The following BBS7 variants were observed in gnomAD, a reference collection of about 807,000 sequenced individuals.
BBS7 encodes Bardet-Biedl syndrome 7.
In BBS7, 50 loss-of-function variants were observed where a neutral mutation model predicts 90.3. The ratio of observed to expected loss-of-function variants is 0.55; its 90% CI spans 0.44 to 0.70. The LOEUF (loss-of-function observed/expected upper bound fraction) is 0.70, where lower values mean the gene tolerates loss of function less well. Among genes scored for constraint, BBS7 ranks in the 30% least tolerant of loss-of-function variants. BBS7 has a pLI of 0.00. For missense variants in BBS7, 729 were observed against 838.9 expected, an observed-to-expected ratio of 0.87 and a Z score of 1.62; for synonymous variants, 235 against 287.4, an observed-to-expected ratio of 0.82 and a Z score of 1.85.
rs891481364 is a variant in BBS7 at position 121,844,096 on chromosome 4, T to C, written c.1231-95A>G. The stretch of plus-strand genomic sequence containing the variant: ...TCTAAGAGTTCTCCTTAGTTCTAGT[T>C]TATATTCATCTTTAAATTTGAGAGT... On this transcript the variant is annotated intron_variant, in intron 11 of 18. Transcript: ENST00000264499. 9 of 753,568 alleles carry C rather than the reference T, an allele frequency of 1.2e-5. No homozygotes were observed. In the African/African-American group the frequency reaches 1.6e-4, roughly 13 times the overall value. 46.7% of individuals were successfully genotyped at this position (753,568 alleles called of 1,614,324 possible).
intron 1 of BBS7, among the ~76,000 whole-genome samples, chr4:121,869,297 GTCTGAAAGAAAT>G (rs1390935707): frequency 6.6e-6 from 1 of 152,158 alleles, no homozygotes; most frequent in Non-Finnish European, 1.5e-5. Context: ...AGAATTTTAG[GTCTGAAAGAAAT>G]TCTGAAAGGC....
chr4:121,857,405 C>T (rs563177473), intron 5 of BBS7, among the ~76,000 whole-genome samples: 6 of 152,196 alleles, frequency 3.9e-5, no homozygotes, highest in Admixed American at 2.6e-4. Context: ...AGGCCTGAGC[C>T]GCTGTGCCCA....
At chr4:121,827,434 T>TA (rs1291868771) in intron 18 of BBS7, among the ~76,000 whole-genome samples, 1 of 152,200 alleles carries the variant, frequency 6.6e-6, no homozygotes, top group Non-Finnish European at 1.5e-5. Flanking sequence ...ACAAATTCCT[T>TA]AGACTCAGAT....
Position 121,854,805 on chromosome 4 carries a change from T to G in BBS7, c.617A>C (p.Asp206Ala), listed in dbSNP as rs769131424. The change falls in exon 7 of 19, where the codon GAC becomes GCC. Residue 206 changes from aspartate to alanine, a missense_variant. Asp to Ala is a moderately radical substitution (Grantham distance 126). Transcript: ENST00000264499. ...TCCGTCTGATGTCCCAAACAAAAGG[T>G]CTTCTCCAGAGTCACCTACTTATAA... ...HNGNGGDSGEDLLFGTSDGKL... is the reference protein window; with the variant it reads ...HNGNGGDSGEALLFGTSDGKL... 6.2e-7 allele frequency: 1 copy of G among 1,612,092 alleles called. No individual in the cohort carries two copies. Among genetic ancestry groups the G allele is most frequent in the South Asian group, 1.1e-5 (1 of 90,852 alleles).
At chr4:121,830,809 T>C (rs1560640480) in intron 15 of BBS7, among the ~76,000 whole-genome samples, 2 of 152,226 alleles carry the variant, frequency 1.3e-5, no homozygotes, top group Non-Finnish European at 2.9e-5. Context: ...GAGTACCTAT[T>C]ATGTGCAAAA....
intron 1 of BBS7, among the ~76,000 whole-genome samples, chr4:121,869,663 CGA>C (rs1727476392): frequency 1.3e-5 from 2 of 152,128 alleles, no homozygotes; most frequent in Non-Finnish European, 2.9e-5. Flanking sequence ...CTTAACCTCC[CGA>C]GTACCTGGGA....
intron 1 of BBS7, among the ~76,000 whole-genome samples, chr4:121,870,006 G>A (rs1727498412): frequency 6.6e-6 from 1 of 152,190 alleles, no homozygotes; most frequent in Non-Finnish European, 1.5e-5. Flanking sequence ...GGGGAATCCG[G>A]GATGAGACAG....
chr4:121,849,040 G>T, intron 8 of BBS7, 112 bp from the exon 9 acceptor site: 7 of 700,786 alleles, frequency 1.0e-5, no homozygotes, highest in Admixed American at 2.1e-5. Context: ...TATATTTACT[G>T]AATGTTTATG....
chr4:121,842,109 G>A (rs187171472), intron 12 of BBS7, among the ~76,000 whole-genome samples: 29 of 151,690 alleles, frequency 1.9e-4, no homozygotes, highest in South Asian at 1.9e-3. Context: ...AAAATTAGCC[G>A]GGTGTGGTGG....
chr4:121,838,364 G>GAAAAAAAAAAAAA (rs35961896), intron 13 of BBS7, among the ~76,000 whole-genome samples: 1 of 109,962 alleles, frequency 9.1e-6, no homozygotes, highest in African/African-American at 3.8e-5. Context: ...CATCTCTCTT[G>GAAAAAAAAAAAAA]AAAAAAAAAA....
intron 8 of BBS7, among the ~76,000 whole-genome samples, chr4:121,850,283 G>A (rs1726249652): frequency 1.3e-5 from 2 of 151,654 alleles, no homozygotes; most frequent in South Asian, 4.2e-4. Flanking sequence ...TCCCACCTTG[G>A]CCTTCCAAGT....
chr4:121,846,965 G>T (rs1726039820), intron 10 of BBS7, among the ~76,000 whole-genome samples: 1 of 152,158 alleles, frequency 6.6e-6, no homozygotes, highest in Admixed American at 6.5e-5. Flanking sequence ...GTGTCTAGGG[G>T]AGTCAAAATT....
chr4:121,832,191 AT>A (rs1047239539), intron 15 of BBS7, among the ~76,000 whole-genome samples: 1 of 152,044 alleles, frequency 6.6e-6, no homozygotes, highest in African/African-American at 2.4e-5. Context: ...AAATAAAAAA[AT>A]TAGCTGGGCA....
chr4:121,840,887 G>C (rs1387283916), intron 12 of BBS7, among the ~76,000 whole-genome samples: 5 of 149,502 alleles, frequency 3.3e-5, no homozygotes, highest in Non-Finnish European at 7.4e-5. Context: ...GCCCAGGCTA[G>C]AGTGCAGTGG....
At chr4:121,840,608 A>C (rs1302250726) in intron 12 of BBS7, among the ~76,000 whole-genome samples, 1 of 152,176 alleles carries the variant, frequency 6.6e-6, no homozygotes, top group Non-Finnish European at 1.5e-5. Flanking sequence ...CTTGAAATTG[A>C]ATATTAAACT....
intron 9 of BBS7, 129 bp from the exon 10 acceptor site, chr4:121,847,635 T>C (rs1297573036): frequency 4.5e-6 from 3 of 673,266 alleles, no homozygotes; most frequent in Non-Finnish European, 7.9e-6. Flanking sequence ...AACTTAACCC[T>C]AGGACTTCAT....
intron 15 of BBS7, among the ~76,000 whole-genome samples, chr4:121,832,111 C>T (rs1270335077): frequency 6.6e-6 from 1 of 151,454 alleles, no homozygotes; most frequent in African/African-American, 2.4e-5. Context: ...AGGAGGCCAA[C>T]GCAGGAGGAT....
Position 121,848,892 on chromosome 4 carries a change from A to T in BBS7, c.886T>A (p.Cys296Ser). The T allele has an allele frequency of 6.2e-7, 1 of 1,613,988 alleles. No homozygotes were observed. Among genetic ancestry groups the T allele is most frequent in the African/African-American group, 1.3e-5 (1 of 75,040 alleles). The part of the protein sequence containing the change: ...SESVTSIQGG[C>S]VGKDSYDEIV... ...TCATCATAGCTGTCTTTTCCTACAC[A>T]ACCACCCTGGATAGATGTGACGCTT... The change falls in exon 9 of 19, where the codon TGT becomes AGT. Residue 296 changes from cysteine (C) to serine (S), a missense_variant. Transcript: ENST00000264499.
rs1724980020 is a variant in BBS7 at position 121,827,835 on chromosome 4, G to C, written c.2014+311C>G. 6 of 1,015,192 alleles carry C rather than the reference G, an allele frequency of 5.9e-6. No homozygotes were observed. In the South Asian group the frequency reaches 1.9e-4, roughly 32 times the overall value. The allele number at this position is 1,015,192 out of a possible 1,614,324, so 62.9% of individuals were successfully genotyped here. On this transcript the variant is annotated intron_variant, in intron 18 of 18. Transcript: ENST00000264499. ...ATTATTTGTGTGAAATACAGTCTAA[G>C]CTCTAAAGGTTCATAGATTACATTC...
Sources: gnomAD v4.1 joint callset for allele counts (sites outside exome capture counted in the v4.1 genomes callset) on GRCh38, gnomAD v4.1.1 for gene constraint, MANE v1.5 for transcripts, NCBI Gene and HGNC (gene_info 2026-07-23, HGNC 2026-07-21) for gene names.